Variants in CUL5 observed in about 807,000 individuals in gnomAD.
CUL5 encodes cullin-5.
In CUL5, 26 loss-of-function variants were observed where a neutral mutation model predicts 108.8. The observed-to-expected ratio is 0.24, with a 90% CI of 0.18 to 0.33. CUL5 has a LOEUF of 0.33. CUL5 is among the 10% of genes least tolerant of loss of function. The pLI is 1.00. For synonymous variants in CUL5, 334 were observed against 298.0 expected (o/e 1.12, Z -1.25); for missense variants, 524 against 909.2 (o/e 0.58, Z 5.45).
At position 108,011,001 on chromosome 11, in the gene CUL5, AAAG is replaced by A. The variant is rs527833266; in HGVS notation, c.24+1632_24+1634del. 1.1e-4 allele frequency among the ~76,000 whole-genome samples: 16 copies of A among 152,360 alleles called. No homozygotes were observed. In the South Asian group the frequency reaches 3.3e-3, roughly 32 times the overall value. On this transcript the variant is annotated intron_variant, in intron 1 of 18. Coordinates refer to ENST00000393094, the MANE Select transcript of CUL5 (RefSeq NM_003478.6). Reference sequence around the variant, plus strand: ...CTGCTCTGTGAGACTCTAAATGAAAAAAGAAAAGGAAAGAAAATTTGTTTTATT... The same window carrying A: ...CTGCTCTGTGAGACTCTAAATGAAAAAAAAGGAAAGAAAATTTGTTTTATT...
At chr11:108,070,829 C>T (rs949256610) in intron 8 of CUL5, among the ~76,000 whole-genome samples, 2 of 152,082 alleles carry the variant, frequency 1.3e-5, no homozygotes, top group African/African-American at 4.8e-5. Flanking sequence ...TGTTTAATCT[C>T]TAGTTGCATT....
chr11:108,077,983 A>C (rs550318183), intron 10 of CUL5, among the ~76,000 whole-genome samples, 193 bp from the exon 11 acceptor site: 16 of 152,172 alleles, frequency 1.1e-4, no homozygotes, highest in African/African-American at 3.6e-4. Context: ...CAACAAAAAA[A>C]CCTCACTTGA....
intron 1 of CUL5, among the ~76,000 whole-genome samples, chr11:108,025,855 C>T (rs925785741): frequency 1.3e-5 from 2 of 152,130 alleles, no homozygotes; most frequent in African/African-American, 2.4e-5. Context: ...AAACCCCTAG[C>T]GGCTGTTTGG....
rs997344340 is a variant in CUL5, at chr11:108,009,354, G to T, written c.6G>T (p.Ala2=). 1 of 1,613,366 alleles carries T rather than the reference G, an allele frequency of 6.2e-7. No homozygotes were observed. Among genetic ancestry groups the T allele is most frequent in the African/African-American group, 1.3e-5 (1 of 74,798 alleles). The change falls in exon 1 of 19, where the codon GCG becomes GCT. Residue 2 remains alanine (A), a synonymous_variant. Coordinates refer to ENST00000393094, the MANE Select transcript of CUL5 (RefSeq NM_003478.6). ...GAGAGTCCAAGTTAAAGAACATGGC[G>T]ACGTCTAATCTGTTAAAGGTAAGAC... M[A]TSNLLKNKGS...
At chr11:108,039,108 C>T (rs1862822934) in intron 2 of CUL5, among the ~76,000 whole-genome samples, 1 of 152,028 alleles carries the variant, frequency 6.6e-6, no homozygotes, top group South Asian at 2.1e-4. Flanking sequence ...GCAACCTCTG[C>T]CTCCCAGGTT....
At chr11:108,021,766 T>A (rs1455897549) in intron 1 of CUL5, among the ~76,000 whole-genome samples, 1 of 152,198 alleles carries the variant, frequency 6.6e-6, no homozygotes. Flanking sequence ...TTGTCCTGCC[T>A]TGACCTCCCA....
At chr11:108,049,266 GT>G (rs1863150593) in intron 3 of CUL5, among the ~76,000 whole-genome samples, 1 of 151,568 alleles carries the variant, frequency 6.6e-6, no homozygotes, top group Admixed American at 6.6e-5. Context: ...CACAATATTT[GT>G]TTCTCTTTAT....
intron 16 of CUL5, among the ~76,000 whole-genome samples, chr11:108,096,125 A>G (rs1864486253): frequency 6.6e-6 from 1 of 150,886 alleles, no homozygotes; most frequent in Non-Finnish European, 1.5e-5. Context: ...GCACACACAC[A>G]CACACACGAG....
chr11:108,016,219 G>A (rs1248953824), intron 1 of CUL5, among the ~76,000 whole-genome samples: 3 of 151,648 alleles, frequency 2.0e-5, no homozygotes, highest in South Asian at 2.1e-4. Context: ...TAGTCAGCCA[G>A]AGAGGTTTTT....
At chr11:108,075,317 C>T (rs1398806413) in intron 10 of CUL5, among the ~76,000 whole-genome samples, 1 of 151,930 alleles carries the variant, frequency 6.6e-6, no homozygotes, top group Non-Finnish European at 1.5e-5. Context: ...TATTTAAAAC[C>T]CTGCTCAAAA....
intron 18 of CUL5, among the ~76,000 whole-genome samples, chr11:108,101,694 G>T (rs185752853): frequency 8.5e-5 from 13 of 152,158 alleles, no homozygotes. Flanking sequence ...CCCTCATACT[G>T]TGCTACTCTT....
chr11:108,050,900 A>C (rs1014440702), intron 4 of CUL5, among the ~76,000 whole-genome samples: 1 of 152,196 alleles, frequency 6.6e-6, no homozygotes, highest in Non-Finnish European at 1.5e-5. Flanking sequence ...GCTGAATATG[A>C]AGGGTCCTAG....
At chr11:108,070,851 T>C (rs2135181465) in intron 8 of CUL5, among the ~76,000 whole-genome samples, 1 of 152,352 alleles carries the variant, frequency 6.6e-6, no homozygotes, top group East Asian at 1.9e-4. Context: ...AAAGTGCATA[T>C]TTCAATTCAC....
chr11:108,012,484 T>C (rs1342422247), intron 1 of CUL5, among the ~76,000 whole-genome samples: 1 of 150,516 alleles, frequency 6.6e-6, no homozygotes, highest in African/African-American at 2.4e-5. Context: ...TTTTCAGTCC[T>C]CATCTTCCCC....
chr11:108,092,068 T>G (rs1398499334), intron 13 of CUL5, among the ~76,000 whole-genome samples: 5 of 152,112 alleles, frequency 3.3e-5, no homozygotes, highest in Non-Finnish European at 1.5e-5. Flanking sequence ...GCCCAGAAGT[T>G]CAAAGTTGTA....
intron 16 of CUL5, among the ~76,000 whole-genome samples, chr11:108,096,500 T>C (rs537376372): frequency 6.7e-6 from 1 of 148,720 alleles, no homozygotes; most frequent in African/African-American, 2.5e-5. Flanking sequence ...TTTTTTTTTT[T>C]AAAAAAGAGA....
Position 108,105,701 on chromosome 11 carries a change from T to G in CUL5, c.*1317T>G, listed in dbSNP as rs980742538. 1.3e-5 allele frequency: 2 copies of G among 152,114 alleles called. No individual in the cohort carries two copies. The highest frequency in any genetic ancestry group is 4.8e-5 in the African/African-American group (2 of 41,436). The allele number at this position is 152,114 out of a possible 1,614,324, so 9.4% of individuals were successfully genotyped here. On this transcript the variant is annotated 3_prime_UTR_variant, in exon 19 of 19. Coordinates refer to ENST00000393094, the MANE Select transcript of CUL5 (RefSeq NM_003478.6). ...GAACAACTTGAAAGAGAAAATTGAT[T>G]CCCCTTGAGGAAAGAATGGCTCAAC...
chr11:108,075,355 T>C (rs1863917797), intron 10 of CUL5, among the ~76,000 whole-genome samples: 1 of 152,224 alleles, frequency 6.6e-6, no homozygotes, highest in Non-Finnish European at 1.5e-5. Context: ...TGTTGAGTTC[T>C]TGAAGTTTCC....
chr11:108,042,106 GT>G (rs1178158368), intron 2 of CUL5, among the ~76,000 whole-genome samples: 1 of 151,650 alleles, frequency 6.6e-6, no homozygotes, highest in Non-Finnish European at 1.5e-5. Flanking sequence ...ATAAAAGGGG[GT>G]TAGTTTGCCC....
Sources: allele counts gnomAD v4.1 joint callset (sites outside exome capture counted in the v4.1 genomes callset), GRCh38; gene constraint gnomAD v4.1.1; transcripts MANE v1.5; gene names NCBI Gene and HGNC (gene_info 2026-07-23, HGNC 2026-07-21).